The following TBC1D17 variants were observed in gnomAD, a reference collection of about 807,000 sequenced individuals.
TBC1D17 encodes TBC1 domain family, member 17.
Under a neutral mutation model 78.8 loss-of-function variants are expected in TBC1D17, and 69 were observed. That is an observed-to-expected ratio of 0.88 (90% CI 0.72 to 1.07). The LOEUF (loss-of-function observed/expected upper bound fraction) is 1.07, where lower values mean the gene tolerates loss of function less well. Among genes scored for constraint, TBC1D17 ranks in the 50% least tolerant of loss-of-function variants. The probability of loss-of-function intolerance (pLI) is 0.00; values close to 1 mark genes in which losing one functional copy is unlikely to be tolerated. For synonymous variants in TBC1D17, 456 were observed against 358.3 expected (o/e 1.27, Z -3.08); for missense variants, 957 against 861.0 (o/e 1.11, Z -1.39).
At position 49,882,365 on chromosome 19, in the gene TBC1D17, G is replaced by A. The variant is rs774633814; in HGVS notation, c.763G>A (p.Asp255Asn). 2 of 1,609,150 alleles carry A rather than the reference G, an allele frequency of 1.2e-6. No homozygotes were observed. Among genetic ancestry groups the A allele is most frequent in the South Asian group, 1.1e-5 (1 of 91,076 alleles). ...AASDLPPPPD[D>N]EPEPGFEVIS... ...CTCCGACCTTCCCCCGCCACCCGAC[G>A]ATGAGCCCGAGCCTGGATTCGAGGT... Residue 255 changes from aspartate to asparagine, a missense_variant, in exon 7 of 17, where the codon GAT becomes AAT. Coordinates refer to ENST00000221543, the MANE Select transcript of TBC1D17 (RefSeq NM_024682.3).
At chr19:49,883,580 C>A in intron 9 of TBC1D17, 71 bp from the exon 10 acceptor site, 1 of 1,409,566 alleles carries the variant, frequency 7.1e-7, no homozygotes, top group Non-Finnish European at 1.0e-6. Context: ...TGGGAGGTGG[C>A]GCCAGGCTTG....
chr19:49,878,123 G>T lies in TBC1D17; in HGVS notation c.22-20G>T, dbSNP rs780490760. 1.3e-6 allele frequency: 2 copies of T among 1,560,368 alleles called. No homozygotes were observed. Among genetic ancestry groups the T allele is most frequent in the East Asian group, 2.4e-5 (1 of 41,346 alleles). On this transcript the variant is annotated intron_variant, in intron 1 of 16. Coordinates refer to ENST00000221543, the MANE Select transcript of TBC1D17 (RefSeq NM_024682.3). ...TCCCCTCGCTTGGGCCCCAGCCCTC[G>T]CTGGTTCCCCCCAACTCAGGTGGTG...
chr19:49,884,230 C>A, intron 10 of TBC1D17, 23 bp from the exon 11 acceptor site: 1 of 1,608,538 alleles, frequency 6.2e-7, no homozygotes, highest in South Asian at 1.1e-5. Flanking sequence ...CTCACCTTTG[C>A]ACCCTGTGCC....
At chr19:49,888,171 T>TG (rs1568679524) in intron 15 of TBC1D17, 60 bp from the exon 16 acceptor site, 1 of 1,549,778 alleles carries the variant, frequency 6.5e-7, no homozygotes, top group South Asian at 1.2e-5. Context: ...AAGCACAGAG[T>TG]GGGCGCTCGG....
intron 9 of TBC1D17, 40 bp downstream of exon 9, chr19:49,883,116 C>G (rs374975218): frequency 6.4e-5 from 99 of 1,558,738 alleles, no homozygotes; most frequent in Non-Finnish European, 8.2e-5. Flanking sequence ...GGCATGACAC[C>G]TGGTACCTCC....
In TBC1D17 at chr19:49,888,427, C is replaced by A; in HGVS notation, c.1750C>A (p.Leu584Met). The change falls in exon 17 of 17, where the codon CTG becomes ATG. Residue 584 changes from leucine to methionine, a missense_variant. Leu to Met is a conservative substitution (Grantham distance 15, BLOSUM62 2). Coordinates refer to ENST00000221543, the MANE Select transcript of TBC1D17 (RefSeq NM_024682.3). ...TTCTCTCATCCCGTGCCTCCAGGAGCTGCCCCACAACGTGCAGGAGATCCT... is the reference window on the plus strand; with the variant it reads ...TTCTCTCATCCCGTGCCTCCAGGAGATGCCCCACAACGTGCAGGAGATCCT... ...LHRQLTACPE[L>M]PHNVQEILGL... 3 of 1,599,006 alleles carry A rather than the reference C, an allele frequency of 1.9e-6. No homozygotes were observed. The highest frequency in any genetic ancestry group is 2.5e-6 in the Non-Finnish European group (3 of 1,176,500).
chr19:49,886,667 A>T (rs1279714226), intron 13 of TBC1D17: 2 of 152,120 alleles, frequency 1.3e-5, no homozygotes, highest in Non-Finnish European at 2.9e-5. Context: ...TTTGTTCAGG[A>T]CAGTGCTTGT....
In TBC1D17 at chr19:49,880,406, G is replaced by A; in HGVS notation, c.319+4G>A. On this transcript the variant is annotated splice_donor_region_variant and intron_variant, in intron 4 of 16. Coordinates refer to ENST00000221543, the MANE Select transcript of TBC1D17 (RefSeq NM_024682.3). ...TGCCACTCAGAGCCCACGAGAGGTAGGCTGAGGTGGCGGCCCTTGAGAAGC... is the reference window on the plus strand; with the variant it reads ...TGCCACTCAGAGCCCACGAGAGGTAAGCTGAGGTGGCGGCCCTTGAGAAGC... 6.2e-7 allele frequency: 1 copy of A among 1,612,846 alleles called. No homozygotes were observed. The highest frequency in any genetic ancestry group is 8.5e-7 in the Non-Finnish European group (1 of 1,179,224).
chr19:49,888,473 A>C lies in TBC1D17; in HGVS notation c.1796A>C (p.Glu599Ala). 6.3e-7 allele frequency: 1 copy of C among 1,592,476 alleles called. No individual in the cohort carries two copies. Among genetic ancestry groups the C allele is most frequent in the Non-Finnish European group, 8.5e-7 (1 of 1,174,452 alleles). ...ATCCTGGGGCTGGCCCCGCCCGCAG[A>C]GCCCCACAGCCCCTCGCCCACCGCC... Reference protein sequence around the residue: ...QEILGLAPPAEPHSPSPTASP... With the variant: ...QEILGLAPPAAPHSPSPTASP... The change falls in exon 17 of 17, where the codon GAG becomes GCG. Residue 599 changes from glutamate to alanine, a missense_variant. Glu to Ala is a moderately radical substitution (Grantham distance 107). Coordinates refer to ENST00000221543, the MANE Select transcript of TBC1D17 (RefSeq NM_024682.3).
Position 49,884,287 on chromosome 19 carries a change from G to T in TBC1D17, c.1161G>T (p.Lys387Asn). Reference protein sequence around the residue: ...RDVSRTDRTNKFYEGPENPGL... With the variant: ...RDVSRTDRTNNFYEGPENPGL... ...TGAGCCGCACTGACAGGACCAACAA[G>T]TTCTACGAGGGTCCCGAGAACCCGG... is the stretch of plus-strand genomic sequence containing the variant. Residue 387 changes from lysine to asparagine, a missense_variant, in exon 11 of 17, where the codon AAG becomes AAT. Physicochemically the swap from Lys to Asn is moderately conservative, Grantham distance 94. Coordinates refer to ENST00000221543, the MANE Select transcript of TBC1D17 (RefSeq NM_024682.3). 6.2e-7 allele frequency: 1 copy of T among 1,613,992 alleles called. No individual in the cohort carries two copies. Among genetic ancestry groups the T allele is most frequent in the Non-Finnish European group, 8.5e-7 (1 of 1,180,014 alleles).
rs115654659 is a variant in TBC1D17, at chr19:49,877,801, G to T, written c.21+57G>T. The stretch of plus-strand genomic sequence containing the variant: ...GTGTATGCGAAACGCCCCGTCTAGT[G>T]ATCAGCTCTTCTCTCAGGCCTTGGC... On this transcript the variant is annotated intron_variant, in intron 1 of 16. Coordinates refer to ENST00000221543, the MANE Select transcript of TBC1D17 (RefSeq NM_024682.3). 2.5e-3 allele frequency: 3,876 copies of T among 1,548,354 alleles called. 82 individuals carry two copies. The African/African-American group carries it at 0.044, about 18-fold the overall frequency.
Position 49,887,804 on chromosome 19 carries a change from G to A in TBC1D17, c.1629G>A (p.Leu543=), listed in dbSNP as rs1157549703. The A allele has an allele frequency of 2.5e-6, 4 of 1,611,374 alleles. No homozygotes were observed. In the South Asian group the frequency reaches 4.4e-5, roughly 18 times the overall value. The change falls in exon 15 of 17, where the codon CTG becomes CTA. Residue 543 remains leucine (L), a synonymous_variant. Coordinates refer to ENST00000221543, the MANE Select transcript of TBC1D17 (RefSeq NM_024682.3). Reference sequence around the variant, plus strand: ...ACATGGAGAGGGACACCCTCATGCTGTCCGGCTTCGGCTCCAATGAGATCC... The same window carrying A: ...ACATGGAGAGGGACACCCTCATGCTATCCGGCTTCGGCTCCAATGAGATCC... The part of the protein sequence containing the change: ...ILDMERDTLM[L]SGFGSNEILK...
chr19:49,881,491 G>C lies in TBC1D17; in HGVS notation c.527+16G>C. 1 of 1,604,004 alleles carries C rather than the reference G, an allele frequency of 6.2e-7. No individual in the cohort carries two copies. The highest frequency in any genetic ancestry group is 8.5e-7 in the Non-Finnish European group (1 of 1,178,374). On this transcript the variant is annotated intron_variant, in intron 5 of 16. Transcript: ENST00000221543. ...TGTTGGCCAGGTGAGCTCTCTCCCA[G>C]TGCTGGGCCTTAAACCGGGCCCAGT...
rs199601076 is a variant in TBC1D17 at position 49,878,621 on chromosome 19, C to T, written c.195+49C>T. 1,610 of 1,572,606 alleles carry T rather than the reference C, an allele frequency of 1.0e-3. 13 individuals carry two copies. Among genetic ancestry groups the T allele is most frequent in the Non-Finnish European group, 2.8e-4 (324 of 1,142,652 alleles). On this transcript the variant is annotated intron_variant, in intron 3 of 16. Coordinates refer to ENST00000221543, the MANE Select transcript of TBC1D17 (RefSeq NM_024682.3). ...TCTCCACTCGCTTTTTTTCTAGGTC[C>T]GTGCTGTTGTAAGTCATTTGAGGGA...
rs2075003735 is a variant in TBC1D17, at chr19:49,880,479, C to A, written c.319+77C>A. The A allele has an allele frequency of 8.4e-6, 13 of 1,547,378 alleles. No homozygotes were observed. The South Asian group carries it at 1.5e-4, about 17-fold the overall frequency. ...ATCTTGCCCTCAGTGGTCACGGTCC[C>A]AAGGGCTTTGCTGCCCACAATCAAG... On this transcript the variant is annotated intron_variant, in intron 4 of 16. Transcript: ENST00000221543.
chr19:49,881,505 A>T, intron 5 of TBC1D17, 30 bp downstream of exon 5: 4 of 1,594,150 alleles, frequency 2.5e-6, no homozygotes, highest in Non-Finnish European at 3.4e-6. Flanking sequence ...TGGGCCTTAA[A>T]CCGGGCCCAG....
chr19:49,881,191 G>A (rs891219945), intron 4 of TBC1D17, 77 bp from the exon 5 acceptor site: 46 of 1,355,480 alleles, frequency 3.4e-5, no homozygotes, highest in Non-Finnish European at 4.0e-5. Flanking sequence ...TGTGCCGAAG[G>A]AACATCCTGG....
chr19:49,879,376 G>C (rs1472315538), intron 3 of TBC1D17: 1 of 152,270 alleles, frequency 6.6e-6, no homozygotes, highest in Non-Finnish European at 1.5e-5. Context: ...CTGGAAGGCT[G>C]AGCTGACCAC....
intron 3 of TBC1D17, chr19:49,878,828 T>C (rs909265338): frequency 2.1e-5 from 10 of 486,174 alleles, no homozygotes; most frequent in Non-Finnish European, 3.3e-5. Context: ...CTTTGCTTCT[T>C]GGGAGATCCC....
Sources: gnomAD v4.1 joint callset for allele counts on GRCh38, gnomAD v4.1.1 for gene constraint, MANE v1.5 for transcripts, NCBI Gene and HGNC (gene_info 2026-07-23, HGNC 2026-07-21) for gene names.